NTN1: variants seen among roughly 807,000 people sequenced by gnomAD.
The protein encoded by NTN1 is netrin-1.
A neutral mutation model predicts 54.2 loss-of-function variants in NTN1; 11 were observed. That is an observed-to-expected ratio of 0.20 (90% CI 0.13 to 0.34). NTN1 has a LOEUF of 0.34. Ranked by LOEUF, NTN1 falls within the 10% of genes least tolerant of loss-of-function variation. The pLI, the probability that NTN1 is intolerant of heterozygous loss-of-function variation, is 1.00. For missense variants in NTN1, 740 were observed against 893.1 expected (o/e 0.83, Z 2.18); for synonymous variants, 371 against 382.0 (o/e 0.97, Z 0.33).
intron 4 of NTN1, 87 bp downstream of exon 4, chr17:9,180,043 G>T: frequency 7.0e-7 from 1 of 1,437,184 alleles, no homozygotes; most frequent in Non-Finnish European, 9.3e-7. Context: ...ATGTTCAGTG[G>T]GTTCCTTTTT....
intron 2 of NTN1, among the ~76,000 whole-genome samples, chr17:9,084,796 C>T (rs1004981890): frequency 4.6e-5 from 7 of 151,870 alleles, no homozygotes; most frequent in Non-Finnish European, 1.0e-4. Context: ...GGACTATAGG[C>T]ACCCGCCACC....
At chr17:9,108,299 C>A (rs1327493429) in intron 2 of NTN1, among the ~76,000 whole-genome samples, 2 of 152,152 alleles carry the variant, frequency 1.3e-5, no homozygotes, top group Non-Finnish European at 2.9e-5. Context: ...GGGATGTTAT[C>A]ATGCAGCCAG....
intron 2 of NTN1, among the ~76,000 whole-genome samples, chr17:9,111,315 CAGTT>C (rs1452369627): frequency 6.6e-6 from 1 of 152,152 alleles, no homozygotes; most frequent in Non-Finnish European, 1.5e-5. Flanking sequence ...CGTTTACAGG[CAGTT>C]AGGTCATGGA....
chr17:9,035,239 C>A (rs1199571766), intron 2 of NTN1, among the ~76,000 whole-genome samples: 1 of 152,212 alleles, frequency 6.6e-6, no homozygotes, highest in Non-Finnish European at 1.5e-5. Flanking sequence ...AGCCACCGTG[C>A]CCAGACGGGT....
intron 2 of NTN1, among the ~76,000 whole-genome samples, chr17:9,090,144 G>A (rs1278966665): frequency 6.6e-6 from 1 of 151,884 alleles, no homozygotes; most frequent in Non-Finnish European, 1.5e-5. Context: ...CTTTTGGTAG[G>A]AGCCGGGCTA....
chr17:9,217,760 T>C (rs16958067), intron 5 of NTN1, among the ~76,000 whole-genome samples: 18,279 of 151,740 alleles, frequency 0.12, 1,376 homozygotes, highest in African/African-American at 0.21. Flanking sequence ...AGCTTGGTCT[T>C]TGTTTTCCTA....
At chr17:9,018,553 G>A (rs1597459484), upstream of NTN1, among the ~76,000 whole-genome samples, 1 of 146,992 alleles carries the variant, frequency 6.8e-6, no homozygotes, top group African/African-American at 2.5e-5. Flanking sequence ...AGAATCGCTT[G>A]AACCCGGGAG....
At chr17:9,137,250 C>T (rs79947805) in intron 2 of NTN1, among the ~76,000 whole-genome samples, 2,413 of 152,256 alleles carry the variant, frequency 0.016, 61 homozygotes, top group African/African-American at 0.054. Flanking sequence ...TGCAAACTCC[C>T]GGGGACTAGC....
intron 6 of NTN1, among the ~76,000 whole-genome samples, chr17:9,235,468 G>C (rs905307902): frequency 1.1e-5 from 1 of 89,042 alleles, no homozygotes; most frequent in Non-Finnish European, 3.5e-5. Context: ...GCTAAGGGCC[G>C]AGGCTAATTA....
intron 2 of NTN1, among the ~76,000 whole-genome samples, chr17:9,064,685 C>A (rs969624630): frequency 7.2e-5 from 11 of 152,220 alleles, no homozygotes; most frequent in Non-Finnish European, 1.2e-4. Context: ...TCACCATCCC[C>A]CTGGATGGCT....
intron 3 of NTN1, among the ~76,000 whole-genome samples, chr17:9,172,438 C>T (rs1423387597): frequency 1.3e-5 from 2 of 152,082 alleles, no homozygotes; most frequent in African/African-American, 2.4e-5. Context: ...GAGATCACAC[C>T]ACTGCACTCC....
chr17:9,156,419 T>C (rs2092342460), intron 2 of NTN1, among the ~76,000 whole-genome samples: 1 of 152,084 alleles, frequency 6.6e-6, no homozygotes, highest in African/African-American at 2.4e-5. Context: ...GCCTTCCTGC[T>C]CCAGTGAGAA....
Position 9,202,629 on chromosome 17 carries a change from A to G in NTN1, c.1412-18539A>G, listed in dbSNP as rs568323090. Among the ~76,000 whole-genome samples the G allele has an allele frequency of 2.0e-5, 3 of 152,110 alleles. No homozygotes were observed. The East Asian group carries it at 5.8e-4, about 29-fold the overall frequency. On this transcript the variant is annotated intron_variant, in intron 5 of 6. Transcript: ENST00000173229. The stretch of plus-strand genomic sequence containing the variant: ...GTGGTTCCCCATAAATAGGGTTCCC[A>G]GAAACCTGAGACACATTATTCATTG...
chr17:9,180,031 T>C (rs2092414054), intron 4 of NTN1, 75 bp downstream of exon 4: 6 of 1,486,662 alleles, frequency 4.0e-6, no homozygotes, highest in Non-Finnish European at 4.5e-6. Flanking sequence ...TGCTAGTCAC[T>C]GATGTTCAGT....
chr17:9,131,699 G>T (rs751666893), intron 2 of NTN1, among the ~76,000 whole-genome samples: 3 of 150,876 alleles, frequency 2.0e-5, no homozygotes, highest in Non-Finnish European at 4.4e-5. Context: ...TTCTGCCTCA[G>T]CCTCCCAAGT....
At chr17:9,163,369 C>T (rs991543428) in intron 3 of NTN1, among the ~76,000 whole-genome samples, 3 of 152,012 alleles carry the variant, frequency 2.0e-5, no homozygotes, top group African/African-American at 7.3e-5. Flanking sequence ...CAGAGGGCTG[C>T]GAGTCATGTT....
At chr17:9,197,827 C>T (rs562812691) in intron 5 of NTN1, among the ~76,000 whole-genome samples, 6 of 152,266 alleles carry the variant, frequency 3.9e-5, no homozygotes, top group South Asian at 2.1e-4. Flanking sequence ...TTCTGTCCTA[C>T]GAGGCCACCT....
At chr17:9,082,169 C>T (rs2092073318) in intron 2 of NTN1, among the ~76,000 whole-genome samples, 1 of 152,170 alleles carries the variant, frequency 6.6e-6, no homozygotes, top group South Asian at 2.1e-4. Context: ...AAGAGATTCT[C>T]CTGTCTCAGC....
intron 2 of NTN1, among the ~76,000 whole-genome samples, chr17:9,043,951 T>A (rs760061555): frequency 2.0e-5 from 3 of 152,124 alleles, no homozygotes; most frequent in Non-Finnish European, 4.4e-5. Flanking sequence ...GTTATCCTAA[T>A]TTTTTGAGTT....
Sources: allele counts gnomAD v4.1 joint callset (sites outside exome capture counted in the v4.1 genomes callset), GRCh38; gene constraint gnomAD v4.1.1; transcripts MANE v1.5; gene names NCBI Gene and HGNC (gene_info 2026-07-23, HGNC 2026-07-21).